The following FLRT1 variants were observed in gnomAD, a reference collection of about 807,000 sequenced individuals.
FLRT1 encodes leucine-rich repeat transmembrane protein FLRT1.
FLRT1 carries 14 observed loss-of-function variants against 30.9 expected under a neutral mutation model. The ratio of observed to expected loss-of-function variants is 0.45; its 90% CI spans 0.30 to 0.71. The LOEUF (loss-of-function observed/expected upper bound fraction) is 0.71. Ranked by LOEUF, FLRT1 falls within the 30% of genes least tolerant of loss-of-function variation. The probability of loss-of-function intolerance (pLI) is 0.08; values close to 1 mark genes in which losing one functional copy is unlikely to be tolerated. For synonymous variants in FLRT1, 368 were observed against 430.4 expected (o/e 0.85, Z 1.80); for missense variants, 737 against 949.2 (o/e 0.78, Z 2.94).
Position 64,090,348 on chromosome 11 carries a change from A to G in FLRT1, c.-1037-12846A>G, listed in dbSNP as rs1362445687. On this transcript the variant is annotated intron_variant, in intron 1 of 2. Coordinates refer to ENST00000682287, the MANE Select transcript of FLRT1 (RefSeq NM_013280.5). This position sits in a 1 kb window ranked among gnomAD's most constrained non-coding sequence, Gnocchi z 4.7. ...ATCGTCTCGTTTCTTAGTGGGTAGG[A>G]AAGCCACAAATAAGTAAACTCAGGC... Among the ~76,000 whole-genome samples, 1 of 152,224 alleles carries G rather than the reference A, an allele frequency of 6.6e-6. No homozygotes were observed. Among genetic ancestry groups the G allele is most frequent in the Non-Finnish European group, 1.5e-5 (1 of 68,038 alleles).
At chr11:64,077,982 C>T (rs184601700) in intron 1 of FLRT1, among the ~76,000 whole-genome samples, 4 of 152,068 alleles carry the variant, frequency 2.6e-5, no homozygotes, top group South Asian at 2.1e-4. Context: ...TTTCCCCTGC[C>T]TCCTCCTCAG....
intron 1 of FLRT1, among the ~76,000 whole-genome samples, chr11:64,048,833 G>A (rs978288508): frequency 7.2e-5 from 11 of 152,170 alleles, no homozygotes; most frequent in Admixed American, 6.5e-4. Flanking sequence ...CCAAGCACCC[G>A]AGGTGGGCCA....
intron 1 of FLRT1, among the ~76,000 whole-genome samples, chr11:64,058,402 T>G (rs562530424): frequency 6.6e-6 from 1 of 151,810 alleles, no homozygotes; most frequent in East Asian, 1.9e-4. Flanking sequence ...TGAGGAGGGC[T>G]TGGGGGGGGG....
Position 64,080,116 on chromosome 11 carries a change from G to A in FLRT1, c.-1037-23078G>A, listed in dbSNP as rs1270543996. The stretch of plus-strand genomic sequence containing the variant: ...CAACCTCCGCCTCCCAGGTTCAAGC[G>A]ATTCTCCTGTCTCAGCCTCCCGAGT... On this transcript the variant is annotated intron_variant, in intron 1 of 2. Transcript: ENST00000682287. 5.9e-5 allele frequency among the ~76,000 whole-genome samples: 9 copies of A among 152,164 alleles called. No individual in the cohort carries two copies. In the East Asian group the frequency reaches 1.2e-3, roughly 20 times the overall value.
At chr11:64,091,216 C>T (rs1433013496) in intron 1 of FLRT1, among the ~76,000 whole-genome samples, 1 of 151,992 alleles carries the variant, frequency 6.6e-6, no homozygotes, top group East Asian at 1.9e-4. Flanking sequence ...GCAGTGGCAG[C>T]CTCCGCTGCA....
At chr11:64,105,862 A>G (rs1944753931) in intron 2 of FLRT1, among the ~76,000 whole-genome samples, 1 of 151,900 alleles carries the variant, frequency 6.6e-6, no homozygotes, top group African/African-American at 2.4e-5. Flanking sequence ...TGTCTCTTCC[A>G]TGCAGGGCCT....
chr11:64,039,334 G>A (rs1346745743), intron 1 of FLRT1, among the ~76,000 whole-genome samples: 1 of 152,268 alleles, frequency 6.6e-6, no homozygotes, highest in East Asian at 1.9e-4. Flanking sequence ...AGAGGAGAGC[G>A]CCAGCCTCTG....
At chr11:64,051,093 C>G (rs1943685395) in intron 1 of FLRT1, among the ~76,000 whole-genome samples, 1 of 152,240 alleles carries the variant, frequency 6.6e-6, no homozygotes, top group South Asian at 2.1e-4. Flanking sequence ...GAGATTCACT[C>G]CATGGATGCT....
rs373574359 is a variant in FLRT1, at chr11:64,065,566, A to G, written c.-1038+29407A>G. On this transcript the variant is annotated intron_variant, in intron 1 of 2. Transcript: ENST00000682287. ...GCACTTTGGGAGGCCAAGGTGGGCG[A>G]ATCACGAGGTCAGGAGATCAAGACC... Among the ~76,000 whole-genome samples the G allele has an allele frequency of 3.9e-4, 60 of 152,072 alleles. 1 individual carries two copies. Among genetic ancestry groups the G allele is most frequent in the East Asian group, 3.9e-3 (20 of 5,150 alleles).
At chr11:64,070,038 C>T (rs1840429587) in intron 1 of FLRT1, among the ~76,000 whole-genome samples, 1 of 152,144 alleles carries the variant, frequency 6.6e-6, no homozygotes, top group African/African-American at 2.4e-5. Context: ...TCCGCCAGAC[C>T]AGGCTCTGTG....
At chr11:64,070,527 C>T (rs55966765) in intron 1 of FLRT1, among the ~76,000 whole-genome samples, 2,923 of 152,230 alleles carry the variant, frequency 0.019, 41 homozygotes, top group Non-Finnish European at 0.031. Flanking sequence ...GAAGGCTGCC[C>T]GAGAGCAGAG....
At chr11:64,084,348 C>T (rs1944356049) in intron 1 of FLRT1, among the ~76,000 whole-genome samples, 1 of 152,136 alleles carries the variant, frequency 6.6e-6, no homozygotes, top group Non-Finnish European at 1.5e-5. Context: ...TCGAGGAGCC[C>T]CTGCCACGTG....
chr11:64,048,461 G>GT (rs1026886663), intron 1 of FLRT1, among the ~76,000 whole-genome samples: 1 of 152,188 alleles, frequency 6.6e-6, no homozygotes, highest in African/African-American at 2.4e-5. Context: ...TTGCCAGGCT[G>GT]TGGTTGCCAG....
chr11:64,054,867 C>T (rs968775266), intron 1 of FLRT1, among the ~76,000 whole-genome samples: 1 of 152,038 alleles, frequency 6.6e-6, no homozygotes, highest in South Asian at 2.1e-4. Context: ...GGAATTCTAG[C>T]ATCTCCCGTG....
chr11:64,092,383 G>A (rs1944505578), intron 1 of FLRT1, among the ~76,000 whole-genome samples: 1 of 152,232 alleles, frequency 6.6e-6, no homozygotes, highest in South Asian at 2.1e-4. Flanking sequence ...GCCTGGCAGG[G>A]GTCCTGGGGT....
chr11:64,097,718 G>A (rs1302900498), intron 1 of FLRT1, among the ~76,000 whole-genome samples: 3 of 152,360 alleles, frequency 2.0e-5, no homozygotes, highest in East Asian at 3.9e-4. Flanking sequence ...GCCATGCAGC[G>A]GTGCCAAGCC....
chr11:64,084,836 C>T (rs1335899291), intron 1 of FLRT1, among the ~76,000 whole-genome samples: 2 of 152,200 alleles, frequency 1.3e-5, no homozygotes, highest in South Asian at 2.1e-4. Flanking sequence ...AGGTAATGCC[C>T]CGGCCCGGGA....
intron 1 of FLRT1, among the ~76,000 whole-genome samples, chr11:64,084,699 C>T (rs1361806690): frequency 2.0e-5 from 3 of 152,242 alleles, no homozygotes; most frequent in East Asian, 1.9e-4. Flanking sequence ...GGGAGCAGGG[C>T]TGTCCACGTG....
chr11:64,111,492 C>T (rs930371673), intron 2 of FLRT1, among the ~76,000 whole-genome samples: 9 of 152,222 alleles, frequency 5.9e-5, no homozygotes, highest in South Asian at 2.1e-4. Flanking sequence ...ATAACCTTCA[C>T]GAGCCTGGCT....
Sources: allele counts gnomAD v4.1 joint callset (sites outside exome capture counted in the v4.1 genomes callset), GRCh38; gene constraint gnomAD v4.1.1; non-coding constraint Gnocchi (gnomAD v3.1); transcripts MANE v1.5; gene names NCBI Gene and HGNC (gene_info 2026-07-23, HGNC 2026-07-21).